The following SYNPR variants were observed in gnomAD, a reference collection of about 807,000 sequenced individuals.
SYNPR encodes the protein synaptoporin.
In SYNPR, 23 loss-of-function variants were observed where a neutral mutation model predicts 32.9. That is an observed-to-expected ratio of 0.70 (90% CI 0.50 to 0.99). The LOEUF is 0.99. Ranked by LOEUF, SYNPR falls within the 50% of genes least tolerant of loss-of-function variation. The pLI is 0.00. For synonymous variants in SYNPR, 146 were observed against 135.9 expected (o/e 1.07, Z -0.52); for missense variants, 318 against 349.3 (o/e 0.91, Z 0.71).
chr3:63,271,220 G>A (rs568044139), intron 3 of SYNPR, among the ~76,000 whole-genome samples: 5 of 152,052 alleles, frequency 3.3e-5, no homozygotes, highest in East Asian at 3.9e-4. Flanking sequence ...GGATTCATGC[G>A]TCTTCTCTGT....
rs570039187 is a variant in SYNPR at position 63,465,234 on chromosome 3, A to G, written c.85-15598A>G. Among the ~76,000 whole-genome samples the G allele has an allele frequency of 7.9e-5, 12 of 152,282 alleles. No individual in the cohort carries two copies. The South Asian group carries it at 1.7e-3, about 21-fold the overall frequency. The stretch of plus-strand genomic sequence containing the variant: ...TATAATGAGAAAAAGCTACTCTCCC[A>G]TAATGAGGCAGAACTAAATGGGTCC... On this transcript the variant is annotated intron_variant, in intron 2 of 5. Coordinates refer to ENST00000478300, the MANE Select transcript of SYNPR (RefSeq NM_001130003.2).
In SYNPR at chr3:63,412,777, TG is replaced by T. The variant is rs578124931; in HGVS notation, c.85-68052del. Among the ~76,000 whole-genome samples the T allele has an allele frequency of 7.9e-5, 12 of 152,266 alleles. No homozygotes were observed. The South Asian group carries it at 2.5e-3, about 32-fold the overall frequency. ...AAGGCCAGAGATGTAGGCAGAAGGCTGGGATCAGCCATCCTATAAACCTTTT... is the reference window on the plus strand; with the variant it reads ...AAGGCCAGAGATGTAGGCAGAAGGCTGGATCAGCCATCCTATAAACCTTTT... On this transcript the variant is annotated intron_variant, in intron 2 of 5. Transcript: ENST00000478300.
intron 4 of SYNPR, among the ~76,000 whole-genome samples, chr3:63,580,513 C>G (rs1472953401): frequency 6.6e-6 from 1 of 152,130 alleles, no homozygotes; most frequent in Non-Finnish European, 1.5e-5. Flanking sequence ...AGCTGGGTAG[C>G]TATTGTGTAG....
Position 63,298,076 on chromosome 3 carries a change from A to G in SYNPR, c.84+19334A>G, listed in dbSNP as rs566888957. On this transcript the variant is annotated intron_variant, in intron 2 of 5. Transcript: ENST00000478300. ...CATTTAATGACACCTATATTTTAGC[A>G]GAATTCAGGCCCCTCCCATAATTCT... Among the ~76,000 whole-genome samples the G allele has an allele frequency of 4.6e-5, 7 of 152,252 alleles. No homozygotes were observed. The East Asian group carries it at 1.4e-3, about 29-fold the overall frequency.
At chr3:63,565,006 A>G (rs1342898339) in intron 4 of SYNPR, among the ~76,000 whole-genome samples, 2 of 152,186 alleles carry the variant, frequency 1.3e-5, no homozygotes, top group African/African-American at 4.8e-5. Flanking sequence ...ATTTCCTTAC[A>G]TTCCAGGGAA....
intron 2 of SYNPR, among the ~76,000 whole-genome samples, chr3:63,353,378 G>T (rs189841154): frequency 2.6e-5 from 4 of 152,222 alleles, no homozygotes; most frequent in Admixed American, 6.5e-5. Flanking sequence ...GGGATCTAGT[G>T]AAGCTGCCTA....
At position 63,266,327 on chromosome 3, in the gene SYNPR, G is replaced by C. The variant is rs144247984; in HGVS notation, n.155-990G>C. Among the ~76,000 whole-genome samples, 505 of 151,934 alleles carry C rather than the reference G, an allele frequency of 3.3e-3. 2 individuals are homozygous for C. The highest frequency in any genetic ancestry group is 0.011 in the African/African-American group (452 of 41,424). On this transcript the variant is annotated intron_variant and non_coding_transcript_variant, in intron 2 of 4. Coordinates refer to the SYNPR transcript ENST00000478456. ...CCTATTTGACTTAGAACATTCAAAT[G>C]TTGAAAACTCAGGTGTTTGTTGTAT...
chr3:63,459,689 T>C (rs536033999), intron 2 of SYNPR, among the ~76,000 whole-genome samples: 2 of 152,256 alleles, frequency 1.3e-5, no homozygotes, highest in Admixed American at 6.5e-5. Flanking sequence ...TTTCCTATCA[T>C]TTTAAGAAGC....
chr3:63,307,452 A>T (rs1036600282), intron 2 of SYNPR, among the ~76,000 whole-genome samples: 17 of 152,000 alleles, frequency 1.1e-4, no homozygotes, highest in African/African-American at 4.1e-4. Flanking sequence ...TTCATTCCTT[A>T]ATGTTTCCCC....
chr3:63,565,116 T>C (rs1390431913), intron 4 of SYNPR, among the ~76,000 whole-genome samples: 2 of 152,132 alleles, frequency 1.3e-5, no homozygotes, highest in East Asian at 1.9e-4. Context: ...CAAAATGAAA[T>C]GTGAAATGTT....
chr3:63,345,347 T>TGAGGTTAA (rs571879499), intron 2 of SYNPR, among the ~76,000 whole-genome samples: 2 of 152,190 alleles, frequency 1.3e-5, no homozygotes, highest in Non-Finnish European at 2.9e-5. Context: ...AGGTAGCTTG[T>TGAGGTTAA]GAGGTTAGAA....
intron 2 of SYNPR, among the ~76,000 whole-genome samples, chr3:63,389,480 C>A (rs1292744649): frequency 2.6e-5 from 4 of 152,296 alleles, no homozygotes; most frequent in South Asian, 2.1e-4. Context: ...GTAATTCCAG[C>A]CAGCTCTGTG....
chr3:63,527,731 G>T (rs181103850), intron 3 of SYNPR, among the ~76,000 whole-genome samples: 12 of 152,218 alleles, frequency 7.9e-5, no homozygotes, highest in Admixed American at 2.6e-4. Flanking sequence ...TGCTGTTTAA[G>T]CCCAGCAACC....
At chr3:63,559,353 C>T in intron 4 of SYNPR, among the ~76,000 whole-genome samples, 1 of 152,190 alleles carries the variant, frequency 6.6e-6, no homozygotes, top group Non-Finnish European at 1.5e-5. Context: ...GTTGGGATTA[C>T]AGGCGTGAGC....
chr3:63,334,703 G>A (rs571613595), intron 2 of SYNPR, among the ~76,000 whole-genome samples: 44 of 152,294 alleles, frequency 2.9e-4, no homozygotes, highest in African/African-American at 1.0e-3. Context: ...TGGGTACATT[G>A]GCGATTGATA....
intron 4 of SYNPR, among the ~76,000 whole-genome samples, chr3:63,605,595 C>T (rs1468499294): frequency 6.6e-6 from 1 of 152,100 alleles, no homozygotes; most frequent in Non-Finnish European, 1.5e-5. Context: ...AATCTGCCCA[C>T]AAGATACAAG....
intron 2 of SYNPR, among the ~76,000 whole-genome samples, chr3:63,377,947 A>G (rs1560210170): frequency 6.6e-6 from 1 of 152,018 alleles, no homozygotes; most frequent in Non-Finnish European, 1.5e-5. Context: ...CAGAAAGTAA[A>G]GAATAAAAAT....
At chr3:63,462,012 C>T (rs60134970) in intron 2 of SYNPR, among the ~76,000 whole-genome samples, 2,993 of 151,940 alleles carry the variant, frequency 0.02, 106 homozygotes, top group African/African-American at 0.069. Flanking sequence ...TTAGGAAGAC[C>T]CATCCCGTCT....
intron 2 of SYNPR, among the ~76,000 whole-genome samples, chr3:63,475,748 A>T (rs1700888868): frequency 6.6e-6 from 1 of 150,594 alleles, no homozygotes. Flanking sequence ...GGCTTTTCTC[A>T]CTCCTTAGCC....
Sources: gnomAD v4.1 joint callset for allele counts (sites outside exome capture counted in the v4.1 genomes callset) on GRCh38, gnomAD v4.1.1 for gene constraint, MANE v1.5 for transcripts, NCBI Gene and HGNC (gene_info 2026-07-23, HGNC 2026-07-21) for gene names.